Variants in FREM1 observed in about 807,000 individuals in gnomAD.
FREM1 encodes the protein FRAS1 related extracellular matrix 1.
Under a neutral mutation model 210.1 loss-of-function variants are expected in FREM1, and 220 were observed. The observed-to-expected ratio is 1.05, with a 90% CI of 0.94 to 1.17. FREM1 has a LOEUF of 1.17. Among genes scored for constraint, FREM1 ranks in the 50% most tolerant of loss-of-function variants. The probability of loss-of-function intolerance (pLI) is 0.00; values close to 1 mark genes in which losing one functional copy is unlikely to be tolerated. For synonymous variants in FREM1, 1,189 were observed against 980.2 expected (o/e 1.21, Z -3.98); for missense variants, 3,454 against 2,675.5 (o/e 1.29, Z -6.42).
Position 14,869,015 on chromosome 9 carries a change from A to G in FREM1, c.-38T>C. ...CAACTCTTCTCTGTCCACCGGCGAA[A>G]TCCCTTTAACAAAGGAGGGCTTCTG... On this transcript the variant is annotated 5_prime_UTR_variant, in exon 2 of 37. Coordinates refer to ENST00000380880, the MANE Select transcript of FREM1 (RefSeq NM_001379081.2). The G allele has an allele frequency of 7.0e-7, 1 of 1,424,136 alleles. No homozygotes were observed. Among genetic ancestry groups the G allele is most frequent in the Non-Finnish European group, 9.5e-7 (1 of 1,055,576 alleles). The allele number at this position is 1,424,136 out of a possible 1,614,324, so 88.2% of individuals were successfully genotyped here. A position where few individuals can be genotyped will look rare whatever the true frequency, so the allele number is the denominator to read the frequency against.
chr9:14,849,352 A>G (rs1351592241), intron 6 of FREM1, among the ~76,000 whole-genome samples: 6 of 152,218 alleles, frequency 3.9e-5, no homozygotes, highest in Non-Finnish European at 8.8e-5. Flanking sequence ...CATGTATTTC[A>G]CTAGACATAT....
At chr9:14,761,466 T>C (rs1338200782) in intron 27 of FREM1, among the ~76,000 whole-genome samples, 1 of 152,148 alleles carries the variant, frequency 6.6e-6, no homozygotes, top group Non-Finnish European at 1.5e-5. Flanking sequence ...ATTAAAAAAA[T>C]TGGAAACTTT....
At chr9:14,788,853 G>A (rs937693010) in intron 23 of FREM1, 66 bp downstream of exon 23, 11 of 1,205,242 alleles carry the variant, frequency 9.1e-6, no homozygotes, top group South Asian at 1.7e-5. Flanking sequence ...AGAAAGAAAC[G>A]AATGTGGAAT....
intron 1 of FREM1, among the ~76,000 whole-genome samples, chr9:14,879,718 A>G (rs1834440903): frequency 6.6e-6 from 1 of 152,208 alleles, no homozygotes; most frequent in Admixed American, 6.5e-5. Context: ...GAAAAAATAA[A>G]ATGGAGAAAA....
At chr9:14,860,555 A>ATGTGTG (rs1564098631) in intron 3 of FREM1, among the ~76,000 whole-genome samples, 1 of 116,620 alleles carries the variant, frequency 8.6e-6, no homozygotes, top group African/African-American at 4.2e-5. Context: ...ACATATATAT[A>ATGTGTG]CACACATATA....
At chr9:14,897,565 G>C (rs973852770) in intron 1 of FREM1, among the ~76,000 whole-genome samples, 39 of 151,104 alleles carry the variant, frequency 2.6e-4, no homozygotes, top group African/African-American at 9.0e-4. Flanking sequence ...AACCAACAAA[G>C]AGGCTTAATC....
chr9:14,758,503 G>C (rs1844832292), intron 28 of FREM1, among the ~76,000 whole-genome samples: 1 of 152,126 alleles, frequency 6.6e-6, no homozygotes, highest in Non-Finnish European at 1.5e-5. Context: ...GTAACCAACA[G>C]ATCTAGGAAA....
At chr9:14,807,666 C>A (rs1818629652) in intron 17 of FREM1, among the ~76,000 whole-genome samples, 1 of 106,548 alleles carries the variant, frequency 9.4e-6, no homozygotes, top group Non-Finnish European at 2.2e-5. Context: ...TCCCAACACA[C>A]ACACAAAGAC....
In FREM1 at chr9:14,783,829, A is replaced by T. The variant is rs1587949378; in HGVS notation, c.4442+541T>A. Among the ~76,000 whole-genome samples the T allele has an allele frequency of 2.0e-5, 3 of 152,330 alleles. No homozygotes were observed. In the East Asian group the frequency reaches 5.8e-4, roughly 29 times the overall value. ...AACATTGTTTCTATGGGGAAATATGATCTACTTTATGACAACATGATTTAT... is the reference window on the plus strand; with the variant it reads ...AACATTGTTTCTATGGGGAAATATGTTCTACTTTATGACAACATGATTTAT... On this transcript the variant is annotated intron_variant, in intron 24 of 36. Coordinates refer to ENST00000380880, the MANE Select transcript of FREM1 (RefSeq NM_001379081.2).
intron 21 of FREM1, among the ~76,000 whole-genome samples, chr9:14,794,093 G>A (rs1403760908): frequency 6.6e-6 from 1 of 152,214 alleles, no homozygotes; most frequent in Non-Finnish European, 1.5e-5. Context: ...TTGCAATTCA[G>A]TGTCAGAATT....
chr9:14,858,485 C>T (rs1004563250), intron 4 of FREM1, among the ~76,000 whole-genome samples: 1 of 150,154 alleles, frequency 6.7e-6, no homozygotes, highest in Non-Finnish European at 1.5e-5. Context: ...TAGGTGTGAG[C>T]CACCATGCCC....
intron 8 of FREM1, among the ~76,000 whole-genome samples, chr9:14,845,005 A>C (rs1432052680): frequency 6.6e-6 from 1 of 152,214 alleles, no homozygotes; most frequent in African/African-American, 2.4e-5. Flanking sequence ...AGGAGGATTT[A>C]TCATACATTT....
At chr9:14,761,287 G>A (rs79207813) in intron 27 of FREM1, among the ~76,000 whole-genome samples, 3,873 of 152,250 alleles carry the variant, frequency 0.025, 80 homozygotes, top group South Asian at 0.073. Context: ...GTTCATAGCT[G>A]AGCATCATGG....
chr9:14,860,842 T>C lies in FREM1; in HGVS notation c.330-1358A>G, dbSNP rs576157269. Among the ~76,000 whole-genome samples, 19 of 84,732 alleles carry C rather than the reference T, an allele frequency of 2.2e-4. 3 individuals are homozygous for C. The South Asian group carries it at 3.3e-3, about 15-fold the overall frequency. The allele number at this position is 84,732 out of a possible 152,430, so 55.6% of individuals were successfully genotyped here. On this transcript the variant is annotated intron_variant, in intron 3 of 36. Transcript: ENST00000380880. ...ACATATATACATATATACGTATATA[T>C]ACATATATACGTATATATACACATA...
At chr9:14,866,754 C>T (rs1051352320) in intron 2 of FREM1, among the ~76,000 whole-genome samples, 1 of 152,136 alleles carries the variant, frequency 6.6e-6, no homozygotes, top group East Asian at 1.9e-4. Context: ...TTATAAGACA[C>T]CCATATGTGC....
At position 14,812,830 on chromosome 9, in the gene FREM1, C is replaced by T. The variant is rs201699523; in HGVS notation, c.2875G>A (p.Val959Met). 2.7e-5 allele frequency: 43 copies of T among 1,610,964 alleles called. No homozygotes were observed. The highest frequency in any genetic ancestry group is 1.6e-4 in the African/African-American group (12 of 75,008). The change falls in exon 16 of 37, where the codon GTG becomes ATG. Residue 959 changes from valine (V) to methionine (M), a missense_variant. Transcript: ENST00000380880. ...FSQRDVISEA[V>M]TYKHTGGEIG... ...TGCTTACCTGTGTGTTTGTATGTCA[C>T]GGCCTCTGAGATAACATCTCTCTGA...
At chr9:14,900,604 A>G (rs1413097304) in intron 1 of FREM1, among the ~76,000 whole-genome samples, 2 of 152,098 alleles carry the variant, frequency 1.3e-5, no homozygotes, top group Non-Finnish European at 2.9e-5. Context: ...AGAGGAGAGG[A>G]AGATAGGATG....
intron 24 of FREM1, chr9:14,779,527 G>A (rs1849299724): frequency 6.1e-6 from 6 of 983,280 alleles, no homozygotes; most frequent in African/African-American, 3.5e-5. Context: ...TTTCCTCCCT[G>A]CAGACTGAAT....
rs765750146 is a variant in FREM1, at chr9:14,819,317, C to A, written c.2463G>T (p.Leu821=). Residue 821 remains leucine (L), a synonymous_variant, in exon 14 of 37, where the codon CTG becomes CTT. Transcript: ENST00000380880. ...ATCCATTCAGCTCCACCCTTCCGTG[C>A]AGAGGCAATTCCCGCAGGGAGAGGT... The part of the protein sequence containing the change: ...NIDLSLRELP[L]HGRVELNGFP... 1.2e-6 allele frequency: 2 copies of A among 1,613,834 alleles called. No homozygotes were observed. Among genetic ancestry groups the A allele is most frequent in the Admixed American group, 1.7e-5 (1 of 59,986 alleles).
Sources: allele counts gnomAD v4.1 joint callset (sites outside exome capture counted in the v4.1 genomes callset), GRCh38; gene constraint gnomAD v4.1.1; transcripts MANE v1.5; gene names NCBI Gene and HGNC (gene_info 2026-07-23, HGNC 2026-07-21).